Variants in GATB observed in about 807,000 individuals in gnomAD.
GATB encodes glutamyl-tRNA(Gln) amidotransferase subunit B, mitochondrial.
GATB carries 39 observed loss-of-function variants against 62.3 expected under a neutral mutation model. The ratio of observed to expected loss-of-function variants is 0.63; its 90% CI spans 0.48 to 0.82. GATB has a LOEUF of 0.82. Ranked by LOEUF, GATB falls within the 40% of genes least tolerant of loss-of-function variation. The pLI is 0.00. For missense variants in GATB, 670 were observed against 684.0 expected, an observed-to-expected ratio of 0.98 and a Z score of 0.23; for synonymous variants, 276 against 258.9, an observed-to-expected ratio of 1.07 and a Z score of -0.63.
chr4:151,738,695 A>G (rs1739426639), intron 2 of GATB, among the ~76,000 whole-genome samples: 1 of 152,254 alleles, frequency 6.6e-6, no homozygotes, highest in Non-Finnish European at 1.5e-5. Context: ...GATAAGGTAA[A>G]TAAGATAGCT....
intron 10 of GATB, among the ~76,000 whole-genome samples, chr4:151,686,724 G>A (rs1275310390): frequency 7.3e-6 from 1 of 136,740 alleles, no homozygotes; most frequent in Non-Finnish European, 1.5e-5. Flanking sequence ...TTCCTTCTCT[G>A]TGCACGCTTC....
chr4:151,749,342 A>G (rs1478912789), intron 2 of GATB, among the ~76,000 whole-genome samples: 2 of 152,244 alleles, frequency 1.3e-5, no homozygotes, highest in South Asian at 2.1e-4. Flanking sequence ...AAAAAATGAT[A>G]AGTTCATGTC....
chr4:151,680,317 AGTGTTTCTGT>A, intron 10 of GATB, among the ~76,000 whole-genome samples: 1 of 151,656 alleles, frequency 6.6e-6, no homozygotes, highest in Non-Finnish European at 1.5e-5. Flanking sequence ...CACGTTTCTG[AGTGTTTCTGT>A]GCAAATATAA....
At chr4:151,722,498 A>C in intron 2 of GATB, 1 of 395,314 alleles carries the variant, frequency 2.5e-6, no homozygotes, top group Non-Finnish European at 4.5e-6. Context: ...AATTTCATCT[A>C]CCACCATGTC....
intron 9 of GATB, among the ~76,000 whole-genome samples, chr4:151,690,147 A>C (rs1738333381): frequency 6.6e-6 from 1 of 152,232 alleles, no homozygotes; most frequent in Non-Finnish European, 1.5e-5. Flanking sequence ...ACTGGAAAGA[A>C]GCAAGATATA....
At chr4:151,747,283 G>A (rs1369253627) in intron 2 of GATB, among the ~76,000 whole-genome samples, 2 of 152,158 alleles carry the variant, frequency 1.3e-5, no homozygotes, top group African/African-American at 4.8e-5. Flanking sequence ...GCATAAAGCT[G>A]TGAGCCAAAA....
At chr4:151,715,835 T>TAAAC (rs531883894) in intron 5 of GATB, among the ~76,000 whole-genome samples, 174 bp downstream of exon 5, 9 of 152,074 alleles carry the variant, frequency 5.9e-5, no homozygotes, top group Non-Finnish European at 1.0e-4. Flanking sequence ...AGGAAAATTC[T>TAAAC]AAACAAACAA....
At chr4:151,750,793 T>G (rs1425803773) in intron 2 of GATB, among the ~76,000 whole-genome samples, 1 of 150,690 alleles carries the variant, frequency 6.6e-6, no homozygotes, top group Non-Finnish European at 1.5e-5. Flanking sequence ...ATGCCCGACT[T>G]ATTTTTGTAT....
intron 5 of GATB, among the ~76,000 whole-genome samples, chr4:151,714,087 C>T (rs569289050): frequency 6.6e-6 from 1 of 152,338 alleles, no homozygotes; most frequent in South Asian, 2.1e-4. Context: ...ACACATTCAA[C>T]TTACCAAACT....
At chr4:151,679,602 C>T (rs1578895289) in intron 11 of GATB, among the ~76,000 whole-genome samples, 1 of 152,194 alleles carries the variant, frequency 6.6e-6, no homozygotes, top group Admixed American at 6.5e-5. Flanking sequence ...CCCAGGTTAG[C>T]GGTGATGACG....
At chr4:151,738,690 G>C (rs1488495335) in intron 2 of GATB, among the ~76,000 whole-genome samples, 1 of 152,212 alleles carries the variant, frequency 6.6e-6, no homozygotes, top group African/African-American at 2.4e-5. Flanking sequence ...TCAGAGATAA[G>C]GTAAATAAGA....
chr4:151,691,566 C>A (rs890509515), intron 9 of GATB: 2 of 152,242 alleles, frequency 1.3e-5, no homozygotes, highest in African/African-American at 2.4e-5. Context: ...GGGACCTGCT[C>A]ACCACCACTG....
intron 10 of GATB, among the ~76,000 whole-genome samples, chr4:151,680,151 G>A (rs1738106948): frequency 6.6e-6 from 1 of 151,970 alleles, no homozygotes; most frequent in African/African-American, 2.4e-5. Context: ...TGTAGCAACA[G>A]ACAACTGCTC....
At chr4:151,689,011 T>C (rs1012861004) in intron 9 of GATB, among the ~76,000 whole-genome samples, 6 of 152,204 alleles carry the variant, frequency 3.9e-5, no homozygotes, top group African/African-American at 1.4e-4. Context: ...GCCCTGACTT[T>C]GCAGACCAGA....
At chr4:151,732,054 T>TG (rs370880235) in intron 2 of GATB, among the ~76,000 whole-genome samples, 15 of 79,616 alleles carry the variant, frequency 1.9e-4, no homozygotes, top group Admixed American at 4.5e-4. Context: ...GGGAGGGAGG[T>TG]GGGGGGGTCA....
rs767445951 is a variant in GATB at position 151,672,761 on chromosome 4, C to A, written c.1545+1G>T. On this transcript the variant is annotated splice_donor_variant, in intron 12 of 12. Coordinates refer to ENST00000263985, the MANE Select transcript of GATB (RefSeq NM_004564.3). LOFTEE classifies it high-confidence loss of function. ...CCCTCTCCCCTGCCCGAGATAGTCA[C>A]CACTTGAGGATGGGCCTCCATCACA... is the stretch of plus-strand genomic sequence containing the variant. 1 of 1,613,864 alleles carries A rather than the reference C, an allele frequency of 6.2e-7. No individual in the cohort carries two copies. The highest frequency in any genetic ancestry group is 8.5e-7 in the Non-Finnish European group (1 of 1,179,834).
intron 2 of GATB, among the ~76,000 whole-genome samples, chr4:151,744,508 G>T (rs1413040916): frequency 2.0e-5 from 3 of 152,162 alleles, no homozygotes. Context: ...ATCCCACTTT[G>T]CGAGGTGGAG....
intron 5 of GATB, among the ~76,000 whole-genome samples, chr4:151,710,049 C>T (rs112176181): frequency 0.013 from 1,981 of 152,222 alleles, 44 homozygotes; most frequent in African/African-American, 0.044. Context: ...TGAGTGTTAC[C>T]GCCTCCTCCT....
chr4:151,719,509 C>T lies in GATB; in HGVS notation c.357G>A (p.Ala119=), dbSNP rs544208100. ...PVLNRRCVEA[A]VMTGLALNCH... ...AGTTCAGAGCCAGGCCTGTCATCAC[C>T]GCCGCTTCTACACACCTCCTGTTGA... The change falls in exon 3 of 13, where the codon GCG becomes GCA. Residue 119 remains alanine (A), a synonymous_variant. Coordinates refer to ENST00000263985, the MANE Select transcript of GATB (RefSeq NM_004564.3). 20 of 1,609,694 alleles carry T rather than the reference C, an allele frequency of 1.2e-5. No homozygotes were observed. Among genetic ancestry groups the T allele is most frequent in the Admixed American group, 1.7e-5 (1 of 59,504 alleles).
Sources: gnomAD v4.1 joint callset for allele counts (sites outside exome capture counted in the v4.1 genomes callset) on GRCh38, gnomAD v4.1.1 for gene constraint, MANE v1.5 for transcripts, NCBI Gene and HGNC (gene_info 2026-07-23, HGNC 2026-07-21) for gene names.